MED16: variants seen among roughly 807,000 people sequenced by gnomAD.
MED16 encodes the protein mediator of RNA polymerase II transcription subunit 16.
In MED16, 81 loss-of-function variants were observed where a neutral mutation model predicts 84.4. The observed-to-expected ratio is 0.96, with a 90% CI of 0.80 to 1.15. The LOEUF (loss-of-function observed/expected upper bound fraction) is 1.15. Ranked by LOEUF, MED16 falls within the 50% of genes most tolerant of loss-of-function variation. The pLI is 0.00. For missense variants in MED16, 1,585 were observed against 1,245.9 expected (o/e 1.27, Z -4.10); for synonymous variants, 897 against 552.2 (o/e 1.62, Z -8.76).
chr19:880,713 G>A (rs953917006), intron 7 of MED16, among the ~76,000 whole-genome samples: 3 of 152,060 alleles, frequency 2.0e-5, no homozygotes, highest in African/African-American at 7.2e-5. Flanking sequence ...TGAGCTCAGG[G>A]GTTCGAGACC....
intron 1 of MED16, 184 bp downstream of exon 1, chr19:892,874 AGCCCCGAGCCCCGCGCCCCGCGCCCCGC>A (rs1243709958): frequency 0.015 from 1,276 of 84,220 alleles, 32 homozygotes; most frequent in South Asian, 0.033. Flanking sequence ...GCAAACCCTG[AGCCCCGAGCCCCGCGCCCCGCGCCCCGC>A]GCCCCGCGCC....
chr19:878,522 G>A (rs370198546), intron 8 of MED16, among the ~76,000 whole-genome samples: 9 of 112,142 alleles, frequency 8.0e-5, no homozygotes, highest in East Asian at 3.2e-4. Flanking sequence ...ACGTGCCCCA[G>A]CAGCTCACCT....
At chr19:881,770 C>G (rs1862450612) in intron 6 of MED16, 56 bp from the exon 7 acceptor site, 3 of 1,573,564 alleles carry the variant, frequency 1.9e-6, no homozygotes, top group Non-Finnish European at 2.6e-6. Flanking sequence ...CAGGCTGAGA[C>G]AGCCGCAGGA....
rs191758226 is a variant in MED16 at position 871,898 on chromosome 19, A to C, written c.2098+28T>G. 2.2e-3 allele frequency: 1,572 copies of C among 716,952 alleles called. 62 individuals are homozygous for C. Among genetic ancestry groups the C allele is most frequent in the South Asian group, 4.3e-3 (206 of 47,438 alleles). 44.4% of individuals were successfully genotyped at this position (716,952 alleles called of 1,614,324 possible). A position where few individuals can be genotyped will look rare whatever the true frequency, so the allele number is the denominator to read the frequency against. Reference sequence around the variant, plus strand: ...AGAGGGGAGAGCGGGGAGCGGGGAGAGGGGAGGGGCGGGCGGGGGTGCCTC... The same window carrying C: ...AGAGGGGAGAGCGGGGAGCGGGGAGCGGGGAGGGGCGGGCGGGGGTGCCTC... On this transcript the variant is annotated intron_variant, in intron 12 of 15. Coordinates refer to ENST00000325464, the MANE Select transcript of MED16 (RefSeq NM_005481.3).
At chr19:877,293 C>A in intron 8 of MED16, 113 bp from the exon 9 acceptor site, 1 of 983,502 alleles carries the variant, frequency 1.0e-6, no homozygotes, top group Non-Finnish European at 1.5e-6. Context: ...TGCGCGCACG[C>A]CCGTGTGTGG....
intron 6 of MED16, among the ~76,000 whole-genome samples, chr19:883,352 T>G (rs552351101): frequency 1.5e-5 from 2 of 135,518 alleles, no homozygotes; most frequent in African/African-American, 5.9e-5. Context: ...GACCGAAGCC[T>G]GGCACGGTGG....
Position 887,665 on chromosome 19 carries a change from C to CA in MED16, c.448-1465dup, listed in dbSNP as rs536298495. Reference sequence around the variant, plus strand: ...CGGTTGACAGAACAAGACTCTGTCTCAAAAAAAATGTATTTGGTTATTTTA... The same window carrying CA: ...CGGTTGACAGAACAAGACTCTGTCTCAAAAAAAAATGTATTTGGTTATTTTA... On this transcript the variant is annotated intron_variant, in intron 4 of 15. Transcript: ENST00000325464. Among the ~76,000 whole-genome samples the CA allele has an allele frequency of 2.3e-4, 35 of 151,636 alleles. 1 individual carries two copies. In the South Asian group the frequency reaches 3.1e-3, roughly 14 times the overall value.
Position 873,592 on chromosome 19 carries a change from G to C in MED16, c.1772-10C>G, listed in dbSNP as rs201595768. On this transcript the variant is annotated splice_polypyrimidine_tract_variant and intron_variant, in intron 10 of 15. Coordinates refer to ENST00000325464, the MANE Select transcript of MED16 (RefSeq NM_005481.3). ...ATGACCTTGTCAATGTCTACAAGGA[G>C]ACGTGGGTCGGGTCAGCTCGGGCCT... 6 of 1,611,836 alleles carry C rather than the reference G, an allele frequency of 3.7e-6. 1 individual carries two copies. The highest frequency in any genetic ancestry group is 2.7e-5 in the African/African-American group (2 of 74,882).
At chr19:880,936 G>GA (rs1027464164) in intron 7 of MED16, among the ~76,000 whole-genome samples, 73 of 142,550 alleles carry the variant, frequency 5.1e-4, no homozygotes, top group East Asian at 1.0e-3. Context: ...AAAAAAAAAA[G>GA]AAAAAAAAAA....
Position 868,854 on chromosome 19 carries a change from GC to G in MED16, c.2399+8del. The G allele has an allele frequency of 6.5e-7, 1 of 1,546,266 alleles. No individual in the cohort carries two copies. On this transcript the variant is annotated splice_region_variant and intron_variant, in intron 14 of 15. Coordinates refer to ENST00000325464, the MANE Select transcript of MED16 (RefSeq NM_005481.3). ...TCTCTGGGAGTCAGCGGTTCCGGGG[GC>G]CCCTCACCTGGTGCAGGCCTTGCAT...
chr19:891,464 G>A (rs772344518), intron 1 of MED16, among the ~76,000 whole-genome samples: 5 of 152,180 alleles, frequency 3.3e-5, no homozygotes, highest in Admixed American at 6.5e-5. Context: ...GCCGGGAGAC[G>A]CAGCGGAGGG....
At chr19:884,782 C>A in intron 6 of MED16, 121 bp downstream of exon 6, 2 of 720,188 alleles carry the variant, frequency 2.8e-6, no homozygotes, top group Non-Finnish European at 4.7e-6. Context: ...CGAGGCGAGA[C>A]GATCGCTTAG....
At chr19:877,883 T>G (rs1332001889) in intron 8 of MED16, among the ~76,000 whole-genome samples, 1 of 102,406 alleles carries the variant, frequency 9.8e-6, no homozygotes. Flanking sequence ...CTTCCCCTGG[T>G]TGTCAATGCC....
At position 881,554 on chromosome 19, in the gene MED16, C is replaced by A; in HGVS notation, c.1141+5G>T. 6.2e-7 allele frequency: 1 copy of A among 1,606,778 alleles called. No individual in the cohort carries two copies. The highest frequency in any genetic ancestry group is 1.1e-5 in the South Asian group (1 of 90,854). The stretch of plus-strand genomic sequence containing the variant: ...CCCGCGTGGCTGCCGCTGGCTCCAC[C>A]GTACCGAGGCCAGGGTAGAACTGTG... On this transcript the variant is annotated splice_donor_5th_base_variant and intron_variant, in intron 7 of 15. Transcript: ENST00000325464.
At chr19:880,647 C>G (rs1018995584) in intron 7 of MED16, among the ~76,000 whole-genome samples, 1 of 152,214 alleles carries the variant, frequency 6.6e-6, no homozygotes, top group African/African-American at 2.4e-5. Context: ...AAGCCGGGCG[C>G]GGTGGCTCAC....
chr19:871,473 A>T, intron 12 of MED16: 2 of 1,453,010 alleles, frequency 1.4e-6, no homozygotes, highest in Non-Finnish European at 9.2e-7. Flanking sequence ...CTGGCCTGTC[A>T]TGAGACTCCC....
Position 880,054 on chromosome 19 carries a change from C to A in MED16, c.1236G>T (p.Arg412Ser), listed in dbSNP as rs534228455. The A allele has an allele frequency of 1.6e-5, 25 of 1,611,136 alleles. No individual in the cohort carries two copies. Among genetic ancestry groups the A allele is most frequent in the Non-Finnish European group, 2.0e-5 (24 of 1,179,392 alleles). ...MAVFYSSAAP[R>S]PVDEPAMKRP... ...GCTTCATGGCCGGCTCATCCACAGG[C>A]CTCGGGGCCGCGGAGCTGTAGAAGA... The change falls in exon 8 of 16, where the codon AGG becomes AGT. Residue 412 changes from arginine to serine, a missense_variant. By Grantham distance (110) the Arg-to-Ser change is moderately radical. Transcript: ENST00000325464.
Position 868,890 on chromosome 19 carries a change from G to C in MED16, c.2372C>G (p.Pro791Arg). 6.4e-7 allele frequency: 1 copy of C among 1,551,788 alleles called. No individual in the cohort carries two copies. Among genetic ancestry groups the C allele is most frequent in the Middle Eastern group, 1.7e-4 (1 of 5,916 alleles). Residue 791 changes from proline (P) to arginine (R), a missense_variant, in exon 14 of 16, where the codon CCC becomes CGC. Pro to Arg is a moderately radical substitution (Grantham distance 103). Transcript: ENST00000325464. ...GGTGCAGGCCTTGCATTCCTCCGTGGGGCAAGCGCCAAGGTGCAGCCTCCG... is the reference window on the plus strand; with the variant it reads ...GGTGCAGGCCTTGCATTCCTCCGTGCGGCAAGCGCCAAGGTGCAGCCTCCG... ...HLRRLHLGAC[P>R]TEECKACTRC...
At chr19:885,455 G>C (rs114593583) in intron 5 of MED16, among the ~76,000 whole-genome samples, 2,771 of 152,142 alleles carry the variant, frequency 0.018, 90 homozygotes, top group African/African-American at 0.064. Flanking sequence ...GAGCACGTTG[G>C]GGGGGGTCCG....
Sources: allele counts gnomAD v4.1 joint callset (sites outside exome capture counted in the v4.1 genomes callset), GRCh38; gene constraint gnomAD v4.1.1; transcripts MANE v1.5; gene names NCBI Gene and HGNC (gene_info 2026-07-23, HGNC 2026-07-21).